TMEM132E: variants seen among roughly 807,000 people sequenced by gnomAD.
TMEM132E encodes the protein transmembrane protein 132E.
A neutral mutation model predicts 78.5 loss-of-function variants in TMEM132E; 49 were observed. That is an observed-to-expected ratio of 0.62 (90% CI 0.50 to 0.79). The LOEUF (loss-of-function observed/expected upper bound fraction) is 0.79, where lower values mean the gene tolerates loss of function less well. Ranked by LOEUF, TMEM132E falls within the 30% of genes least tolerant of loss-of-function variation. The probability of loss-of-function intolerance (pLI) is 0.00; values close to 1 mark genes in which losing one functional copy is unlikely to be tolerated. For synonymous variants in TMEM132E, 715 were observed against 670.6 expected (o/e 1.07, Z -1.02); for missense variants, 1,403 against 1,470.9 (o/e 0.95, Z 0.75).
chr17:34,591,879 G>C (rs1427543639), intron 1 of TMEM132E, among the ~76,000 whole-genome samples: 1 of 152,198 alleles, frequency 6.6e-6, no homozygotes, highest in Non-Finnish European at 1.5e-5. Context: ...CTCCTCCCCT[G>C]TCTGCACTGG....
At position 34,629,162 on chromosome 17, in the gene TMEM132E, G is replaced by C. The variant is rs774833623; in HGVS notation, c.1296G>C (p.Thr432=). The C allele has an allele frequency of 1.3e-5, 21 of 1,614,012 alleles. No individual in the cohort carries two copies. The highest frequency in any genetic ancestry group is 1.8e-5 in the Non-Finnish European group (21 of 1,180,014). The change falls in exon 4 of 9, where the codon ACG becomes ACC. Residue 432 remains threonine (T), a synonymous_variant. Coordinates refer to ENST00000631683, the MANE Select transcript of TMEM132E (RefSeq NM_001304438.2). ...TGGAGCGGGCAGTCACTGAGCTGAC[G>C]GTCATTCAGCGGGATGTGCAAGCCA... ...PDLERAVTEL[T]VIQRDVQAIL... is the part of the protein sequence containing the mutation.
intron 1 of TMEM132E, among the ~76,000 whole-genome samples, chr17:34,596,192 G>C (rs995231443): frequency 6.6e-6 from 1 of 152,206 alleles, no homozygotes; most frequent in Non-Finnish European, 1.5e-5. Context: ...TGAAGATCAG[G>C]TTCTTGTTCC....
chr17:34,619,777 T>G (rs1906899598), intron 1 of TMEM132E, among the ~76,000 whole-genome samples: 1 of 152,216 alleles, frequency 6.6e-6, no homozygotes, highest in African/African-American at 2.4e-5. Flanking sequence ...AGGCATTGTT[T>G]GCTGTTGTTT....
At position 34,613,211 on chromosome 17, in the gene TMEM132E, A is replaced by ACACACACACACGCGCGCG; in HGVS notation, c.68-12915_68-12914insACACACACACGCGCGCGC. Among the ~76,000 whole-genome samples, 417 of 115,928 alleles carry ACACACACACACGCGCGCG rather than the reference A, an allele frequency of 3.6e-3. 2 individuals are homozygous for ACACACACACACGCGCGCG. Among genetic ancestry groups the ACACACACACACGCGCGCG allele is most frequent in the Admixed American group, 6.9e-3 (70 of 10,106 alleles). The allele number at this position is 115,928 out of a possible 152,430, so 76.1% of individuals were successfully genotyped here. A position where few individuals can be genotyped will look rare whatever the true frequency, so the allele number is the denominator to read the frequency against. ...CACACACACACCCACACACACACAC[A>ACACACACACACGCGCGCG]CGCGCGCGCGCGCGCGTTCTTACAT... On this transcript the variant is annotated intron_variant, in intron 1 of 8. Coordinates refer to ENST00000631683, the MANE Select transcript of TMEM132E (RefSeq NM_001304438.2).
Position 34,626,539 on chromosome 17 carries a change from G to A in TMEM132E, c.480G>A (p.Glu160=). The change falls in exon 2 of 9, where the codon GAG becomes GAA. Residue 160 remains glutamate (E), a synonymous_variant. Coordinates refer to ENST00000631683, the MANE Select transcript of TMEM132E (RefSeq NM_001304438.2). ...GRDWDDFGVT[E]RLPCVRLHAF... is the part of the protein sequence containing the mutation. Reference sequence around the variant, plus strand: ...ACTGGGACGACTTCGGCGTCACCGAGCGGCTGCCCTGTGTCCGCCTGCATG... The same window carrying A: ...ACTGGGACGACTTCGGCGTCACCGAACGGCTGCCCTGTGTCCGCCTGCATG... 6.3e-7 allele frequency: 1 copy of A among 1,598,722 alleles called. No individual in the cohort carries two copies. The highest frequency in any genetic ancestry group is 8.5e-7 in the Non-Finnish European group (1 of 1,176,128).
At chr17:34,631,559 T>C (rs1255146527) in intron 5 of TMEM132E, among the ~76,000 whole-genome samples, 1 of 152,192 alleles carries the variant, frequency 6.6e-6, no homozygotes, top group Non-Finnish European at 1.5e-5. Flanking sequence ...CTAAGTGGAA[T>C]TTACAGGTCT....
At chr17:34,608,908 C>A (rs1265071717) in intron 1 of TMEM132E, among the ~76,000 whole-genome samples, 2 of 143,776 alleles carry the variant, frequency 1.4e-5, no homozygotes, top group Non-Finnish European at 2.9e-5. Context: ...GACATGGAGG[C>A]CCCTGTTTCC....
intron 7 of TMEM132E, 110 bp downstream of exon 7, chr17:34,635,197 C>T (rs1907481853): frequency 1.7e-6 from 2 of 1,210,508 alleles, no homozygotes; most frequent in African/African-American, 1.5e-5. Context: ...GAACACTCTT[C>T]CCTGCCTGCC....
intron 1 of TMEM132E, among the ~76,000 whole-genome samples, chr17:34,588,032 C>T (rs1042020279): frequency 4.6e-5 from 7 of 152,196 alleles, no homozygotes; most frequent in South Asian, 2.1e-4. Flanking sequence ...TGAGTCCTGC[C>T]GGGTGCTGTC....
chr17:34,635,120 C>T (rs1259792039), intron 7 of TMEM132E, 33 bp downstream of exon 7: 4 of 1,561,590 alleles, frequency 2.6e-6, no homozygotes, highest in Non-Finnish European at 3.5e-6. Context: ...CACAAAGGGG[C>T]AGTGTCGGGA....
At chr17:34,621,073 A>G (rs1188080652) in intron 1 of TMEM132E, among the ~76,000 whole-genome samples, 2 of 152,150 alleles carry the variant, frequency 1.3e-5, no homozygotes, top group African/African-American at 4.8e-5. Context: ...CATGTGCAAA[A>G]GCTGGATGAT....
At chr17:34,607,604 A>G (rs1906457090) in intron 1 of TMEM132E, among the ~76,000 whole-genome samples, 1 of 152,186 alleles carries the variant, frequency 6.6e-6, no homozygotes. Context: ...ACTCAGTCCC[A>G]CAAGACTGCT....
At position 34,629,034 on chromosome 17, in the gene TMEM132E, A is replaced by T. The variant is rs1907254385; in HGVS notation, c.1168A>T (p.Ile390Phe). The change falls in exon 4 of 9, where the codon ATC (isoleucine) becomes TTC (phenylalanine). Residue 390 changes from isoleucine to phenylalanine, a missense_variant. Ile to Phe is a conservative substitution (Grantham distance 21). Around this residue, in one of 3 missense-constraint regions of TMEM132E, gnomAD observed 888 missense variants for 952.8 expected, o/e 0.93. Transcript: ENST00000631683. Reference protein sequence around the residue: ...PPREGQGPLEILQLDFEMENF... With the variant: ...PPREGQGPLEFLQLDFEMENF... ...CAGGGAGGGCCAGGGCCCCTTGGAG[A>T]TCTTGCAGCTGGACTTTGAAATGGA... 6.3e-7 allele frequency: 1 copy of T among 1,575,742 alleles called. No individual in the cohort carries two copies. The highest frequency in any genetic ancestry group is 8.6e-7 in the Non-Finnish European group (1 of 1,157,768).
chr17:34,584,581 T>G (rs1405289883), intron 1 of TMEM132E, among the ~76,000 whole-genome samples: 3 of 152,232 alleles, frequency 2.0e-5, no homozygotes, highest in Non-Finnish European at 4.4e-5. Flanking sequence ...TCTATGTGTT[T>G]GCATGGCTCT....
Position 34,593,818 on chromosome 17 carries a change from T to C in TMEM132E, c.67+12675T>C, listed in dbSNP as rs151251714. The stretch of plus-strand genomic sequence containing the variant: ...ACCTCACTGAGAGTGAGAGCCAAAG[T>C]CCTCACAGTAGCTCATACCACCAGC... On this transcript the variant is annotated intron_variant, in intron 1 of 8. Transcript: ENST00000631683. Among the ~76,000 whole-genome samples the C allele has an allele frequency of 2.9e-3, 438 of 152,266 alleles. 2 individuals carry two copies. Among genetic ancestry groups the C allele is most frequent in the Admixed American group, 6.4e-3 (98 of 15,308 alleles).
Position 34,632,800 on chromosome 17 carries a change from C to G in TMEM132E, c.1579C>G (p.Pro527Ala), listed in dbSNP as rs760312005. ...VTFRYDVLNA[P>A]LEMTVWVPKL... ...CTTCCGCTACGACGTCCTCAATGCT[C>G]CCCTGGAAATGACAGTCTGGGTCCC... is the stretch of plus-strand genomic sequence containing the variant. The change falls in exon 6 of 9, where the codon CCC becomes GCC. Residue 527 changes from proline (P) to alanine (A), a missense_variant. Physicochemically the swap from Pro to Ala is conservative, Grantham distance 27. Coordinates refer to ENST00000631683, the MANE Select transcript of TMEM132E (RefSeq NM_001304438.2). The G allele has an allele frequency of 6.2e-7, 1 of 1,614,190 alleles. No individual in the cohort carries two copies. Among genetic ancestry groups the G allele is most frequent in the South Asian group, 1.1e-5 (1 of 91,078 alleles).
intron 1 of TMEM132E, among the ~76,000 whole-genome samples, chr17:34,585,146 T>G (rs1343527184): frequency 6.6e-6 from 1 of 152,170 alleles, no homozygotes; most frequent in Non-Finnish European, 1.5e-5. Context: ...AACATAGCCT[T>G]GTTAATGTTT....
Position 34,629,027 on chromosome 17 carries a change from C to T in TMEM132E, c.1161C>T (p.Pro387=), listed in dbSNP as rs779202805. Residue 387 remains proline (P), a synonymous_variant, in exon 4 of 9, where the codon CCC becomes CCT. Transcript: ENST00000631683. ...TPLPPREGQG[P]LEILQLDFEM... ...ACCCTGGCAGGGAGGGCCAGGGCCC[C>T]TTGGAGATCTTGCAGCTGGACTTTG... The T allele has an allele frequency of 1.3e-6, 2 of 1,572,484 alleles. No individual in the cohort carries two copies. Among genetic ancestry groups the T allele is most frequent in the Non-Finnish European group, 1.7e-6 (2 of 1,155,970 alleles).
In TMEM132E at chr17:34,632,774, C is replaced by T; in HGVS notation, c.1553C>T (p.Thr518Ile). ...ESRGSMNARVTFRYDVLNAPL... is the reference protein window; with the variant it reads ...ESRGSMNARVIFRYDVLNAPL... Reference sequence around the variant, plus strand: ...CGAGGGTCCATGAACGCCAGGGTCACCTTCCGCTACGACGTCCTCAATGCT... The same window carrying T: ...CGAGGGTCCATGAACGCCAGGGTCATCTTCCGCTACGACGTCCTCAATGCT... Residue 518 changes from threonine (T) to isoleucine (I), a missense_variant, in exon 6 of 9, where the codon ACC (threonine) becomes ATC (isoleucine). Thr to Ile is a moderately conservative substitution (Grantham distance 89). Coordinates refer to ENST00000631683, the MANE Select transcript of TMEM132E (RefSeq NM_001304438.2). The T allele has an allele frequency of 6.2e-7, 1 of 1,614,200 alleles. No individual in the cohort carries two copies. Among genetic ancestry groups the T allele is most frequent in the Non-Finnish European group, 8.5e-7 (1 of 1,180,036 alleles).
Sources: allele counts gnomAD v4.1 joint callset (sites outside exome capture counted in the v4.1 genomes callset), GRCh38; gene constraint gnomAD v4.1.1; regional missense constraint gnomAD v4.1.1; transcripts MANE v1.5; gene names NCBI Gene and HGNC (gene_info 2026-07-23, HGNC 2026-07-21).